Variants in ERBB4 observed in about 807,000 individuals in gnomAD.
ERBB4 encodes receptor tyrosine-protein kinase erbB-4.
ERBB4 carries 42 observed loss-of-function variants against 158.0 expected under a neutral mutation model. That is an observed-to-expected ratio of 0.27 (90% CI 0.21 to 0.34). The LOEUF (loss-of-function observed/expected upper bound fraction) is 0.34. Among genes scored for constraint, ERBB4 ranks in the 10% least tolerant of loss-of-function variants. The pLI, the probability that ERBB4 is intolerant of heterozygous loss-of-function variation, is 1.00. For missense variants in ERBB4, 1,333 were observed against 1,624.1 expected (o/e 0.82, Z 3.08); for synonymous variants, 583 against 558.7 (o/e 1.04, Z -0.61).
intron 1 of ERBB4, among the ~76,000 whole-genome samples, chr2:212,167,361 G>C (rs955325650): frequency 3.3e-5 from 5 of 151,946 alleles, no homozygotes; most frequent in African/African-American, 1.2e-4. Flanking sequence ...CTGATCATTA[G>C]AGAAATGCAA....
At chr2:212,149,103 C>T (rs1029584258) in intron 1 of ERBB4, among the ~76,000 whole-genome samples, 2 of 148,888 alleles carry the variant, frequency 1.3e-5, no homozygotes, top group African/African-American at 2.5e-5. Flanking sequence ...CAGCATGGCA[C>T]ATGTATACAT....
chr2:212,081,012 C>T (rs1398692500), intron 2 of ERBB4, among the ~76,000 whole-genome samples: 1 of 152,126 alleles, frequency 6.6e-6, no homozygotes, highest in East Asian at 1.9e-4. Context: ...CTAACATGAG[C>T]GTTAGACATT....
intron 1 of ERBB4, among the ~76,000 whole-genome samples, chr2:212,337,689 A>G (rs2088510763): frequency 6.6e-6 from 1 of 152,088 alleles, no homozygotes; most frequent in African/African-American, 2.4e-5. Flanking sequence ...TGAGTTGGGG[A>G]AACACTGTCT....
At chr2:211,917,920 G>C (rs1443130254) in intron 3 of ERBB4, among the ~76,000 whole-genome samples, 1 of 152,122 alleles carries the variant, frequency 6.6e-6, no homozygotes, top group East Asian at 1.9e-4. Flanking sequence ...AGAAATTACA[G>C]CTTCTCCACT....
intron 20 of ERBB4, among the ~76,000 whole-genome samples, chr2:211,468,245 CAT>C (rs1463032883): frequency 1.3e-5 from 2 of 152,140 alleles, no homozygotes; most frequent in African/African-American, 2.4e-5. Flanking sequence ...TATGCTAACA[CAT>C]GTCTGTGAAC....
chr2:211,907,968 T>G (rs2079441397), intron 3 of ERBB4, among the ~76,000 whole-genome samples: 1 of 151,902 alleles, frequency 6.6e-6, no homozygotes, highest in East Asian at 2.0e-4. Flanking sequence ...CACGGGCTAC[T>G]GAGACTTCAT....
At chr2:211,700,758 T>C (rs866470537) in intron 12 of ERBB4, among the ~76,000 whole-genome samples, 1 of 152,164 alleles carries the variant, frequency 6.6e-6, no homozygotes, top group Middle Eastern at 3.4e-3. Context: ...AACTCAATCA[T>C]TATTTATGTG....
At chr2:211,976,942 C>T (rs979436554) in intron 2 of ERBB4, among the ~76,000 whole-genome samples, 5 of 151,996 alleles carry the variant, frequency 3.3e-5, no homozygotes, top group African/African-American at 1.2e-4. Flanking sequence ...TTGCTTAATT[C>T]CACTGTAAAA....
chr2:212,406,944 A>G (rs2091363337), intron 1 of ERBB4, among the ~76,000 whole-genome samples: 1 of 151,906 alleles, frequency 6.6e-6, no homozygotes, highest in South Asian at 2.1e-4. Flanking sequence ...CTCTTTGCAC[A>G]TACTCTTCTC....
chr2:211,463,198 T>C (rs1457265385), intron 20 of ERBB4, among the ~76,000 whole-genome samples: 1 of 152,178 alleles, frequency 6.6e-6, no homozygotes, highest in Non-Finnish European at 1.5e-5. Flanking sequence ...TCTAGTGTAA[T>C]CTCTGTAATC....
At chr2:211,854,463 C>A (rs56252609) in intron 3 of ERBB4, among the ~76,000 whole-genome samples, 32,895 of 151,924 alleles carry the variant, frequency 0.22, 3,663 homozygotes, top group South Asian at 0.32. Context: ...TGCTGAGTTC[C>A]TTTTGTGTCC....
chr2:211,575,174 A>T (rs1352111127), intron 19 of ERBB4, among the ~76,000 whole-genome samples: 2 of 152,198 alleles, frequency 1.3e-5, no homozygotes, highest in Non-Finnish European at 2.9e-5. Context: ...CATGTCAGTT[A>T]GGTAACTAGG....
intron 20 of ERBB4, among the ~76,000 whole-genome samples, chr2:211,470,444 C>T (rs2064803856): frequency 6.6e-6 from 1 of 152,050 alleles, no homozygotes; most frequent in African/African-American, 2.4e-5. Context: ...AAGCAGATAT[C>T]ATGTCAAGGA....
At chr2:211,465,749 C>T (rs1200064570) in intron 20 of ERBB4, among the ~76,000 whole-genome samples, 2 of 152,052 alleles carry the variant, frequency 1.3e-5, no homozygotes, top group African/African-American at 4.8e-5. Flanking sequence ...CGAGAGTAGC[C>T]AACCCACTAC....
At chr2:212,330,721 C>T (rs1385699816) in intron 1 of ERBB4, among the ~76,000 whole-genome samples, 1 of 151,940 alleles carries the variant, frequency 6.6e-6, no homozygotes, top group East Asian at 2.0e-4. Context: ...GCTGCTCTGC[C>T]TCTGTATTCC....
intron 5 of ERBB4, among the ~76,000 whole-genome samples, chr2:211,741,948 G>A (rs2074815299): frequency 6.6e-6 from 1 of 152,154 alleles, no homozygotes; most frequent in Non-Finnish European, 1.5e-5. Flanking sequence ...GAAATGGTCA[G>A]TGTAATCAAG....
intron 20 of ERBB4, among the ~76,000 whole-genome samples, chr2:211,497,134 A>T (rs947296923): frequency 3.3e-5 from 5 of 152,072 alleles, no homozygotes; most frequent in African/African-American, 7.2e-5. Flanking sequence ...ACATAATATA[A>T]ATGTTGTTAT....
chr2:212,082,529 T>A (rs1255343067), intron 2 of ERBB4, among the ~76,000 whole-genome samples: 3 of 152,064 alleles, frequency 2.0e-5, no homozygotes, highest in African/African-American at 7.2e-5. Context: ...AGGGCTTTTT[T>A]AAATTAAAGA....
At chr2:211,407,347 A>T (rs1040805908) in intron 25 of ERBB4, among the ~76,000 whole-genome samples, 1 of 152,174 alleles carries the variant, frequency 6.6e-6, no homozygotes, top group African/African-American at 2.4e-5. Context: ...CTAAGAAGAG[A>T]CTGTAGTAGG....
Sources: allele counts gnomAD v4.1 joint callset (sites outside exome capture counted in the v4.1 genomes callset), GRCh38; gene constraint gnomAD v4.1.1; transcripts MANE v1.5; gene names NCBI Gene and HGNC (gene_info 2026-07-23, HGNC 2026-07-21).